Variants in NADK observed in about 807,000 individuals in gnomAD.
NADK encodes the protein poly(P)/ATP NAD kinase.
In NADK, 22 loss-of-function variants were observed where a neutral mutation model predicts 49.8. That is an observed-to-expected ratio of 0.44 (90% CI 0.32 to 0.63). The LOEUF (loss-of-function observed/expected upper bound fraction) is 0.63. NADK is among the 30% of genes least tolerant of loss of function. The pLI is 0.06. For synonymous variants in NADK, 268 were observed against 253.7 expected (o/e 1.06, Z -0.54); for missense variants, 438 against 609.4 (o/e 0.72, Z 2.96).
In NADK at chr1:1,756,518, A is replaced by T; in HGVS notation, c.484T>A (p.Cys162Ser). ...ESFGAVKKKF[C>S]TFREDYDDIS... ...GACAGCCCACCTTCTCGAAAGGTACAGAATTTCTTCTTCACTGCCCCAAAG... is the reference window on the plus strand; with the variant it reads ...GACAGCCCACCTTCTCGAAAGGTACTGAATTTCTTCTTCACTGCCCCAAAG... The change falls in exon 5 of 12, where the codon TGT (cysteine) becomes AGT (serine). Residue 162 changes from cysteine to serine, a missense_variant. Physicochemically the swap from Cys to Ser is moderately radical, Grantham distance 112. Transcript: ENST00000341426. 1.2e-6 allele frequency: 2 copies of T among 1,614,098 alleles called. No individual in the cohort carries two copies. The highest frequency in any genetic ancestry group is 1.7e-6 in the Non-Finnish European group (2 of 1,180,026).
At chr1:1,755,969 G>A (rs1645506225) in intron 6 of NADK, 1 of 546,476 alleles carries the variant, frequency 1.8e-6, no homozygotes, top group East Asian at 3.1e-5. Context: ...GAGGCCCAGA[G>A]GGGATGGGCC....
At chr1:1,757,560 C>G (rs1360073913) in intron 3 of NADK, among the ~76,000 whole-genome samples, 2 of 152,040 alleles carry the variant, frequency 1.3e-5, no homozygotes, top group South Asian at 2.1e-4. Context: ...CCACAACCCC[C>G]ACCCGGGCAC....
At chr1:1,758,600 C>A in intron 3 of NADK, 1 of 1,492,154 alleles carries the variant, frequency 6.7e-7, no homozygotes, top group Non-Finnish European at 8.9e-7. Context: ...CAAAGCAAAA[C>A]ACAATTGTGA....
rs375061907 is a variant in NADK, at chr1:1,765,389, T to A, written c.18A>T (p.Glu6Asp). 4 of 1,600,654 alleles carry A rather than the reference T, an allele frequency of 2.5e-6. No individual in the cohort carries two copies. In the African/African-American group the frequency reaches 5.4e-5, roughly 21 times the overall value. Residue 6 changes from glutamate (E) to aspartate (D), a missense_variant, in exon 2 of 12, where the codon GAA becomes GAT. Transcript: ENST00000341426. MEMEQ[E>D]KMTMNKELSP... ...TCAATTCCTTATTCATGGTCATTTT[T>A]TCTTGTTCCATTTCCATTGTCAGGA...
At position 1,754,307 on chromosome 1, in the gene NADK, A is replaced by T; in HGVS notation, c.920T>A (p.Leu307His). The T allele has an allele frequency of 1.2e-6, 2 of 1,613,796 alleles. No individual in the cohort carries two copies. Among genetic ancestry groups the T allele is most frequent in the Non-Finnish European group, 1.7e-6 (2 of 1,179,944 alleles). Residue 307 changes from leucine (L) to histidine (H), a missense_variant, in exon 9 of 12, where the codon CTC becomes CAC. Transcript: ENST00000341426. This position sits in a 1 kb window ranked among gnomAD's most constrained non-coding sequence, Gnocchi z 4.3. ...ACCGTCGCCCTGCACCGTGGTGATG[A>T]GGTGTCCGTCCAGGTAGACATCCAC... is the stretch of plus-strand genomic sequence containing the variant. Reference protein sequence around the residue: ...SNVDVYLDGHLITTVQGDGVI... With the variant: ...SNVDVYLDGHHITTVQGDGVI...
chr1:1,773,663 T>C (rs1646117183), intron 1 of NADK, among the ~76,000 whole-genome samples: 1 of 150,286 alleles, frequency 6.7e-6, no homozygotes, highest in South Asian at 2.1e-4. Flanking sequence ...CTACATTACC[T>C]AGAAGCTCTA....
chr1:1,771,053 AAAAT>A (rs1173794705), intron 1 of NADK, among the ~76,000 whole-genome samples: 6 of 142,208 alleles, frequency 4.2e-5, no homozygotes, highest in Non-Finnish European at 6.1e-5. Context: ...AAAAAAAAAA[AAAAT>A]ATATATATAT....
upstream of NADK, chr1:1,778,650 A>AGGCGGGCAGCGGGGACAGG (rs1646287944): frequency 1.3e-5 from 2 of 151,626 alleles, no homozygotes. This position sits in a 1 kb window ranked among gnomAD's most constrained non-coding sequence, Gnocchi z 4.9. Context: ...CAGGGAGTGG[A>AGGCGGGCAGCGGGGACAGG]GGCGGGCAGC....
chr1:1,777,575 G>A (rs150240758), intron 1 of NADK, among the ~76,000 whole-genome samples: 295 of 148,734 alleles, frequency 2.0e-3, no homozygotes, highest in African/African-American at 6.6e-3. Context: ...CTTGTTACTC[G>A]GAATCGAAGC....
Position 1,760,325 on chromosome 1 carries a change from G to A in NADK, c.263+1627C>T, listed in dbSNP as rs72634842. ...GTGCGAGTCACTTCCATCCTAAGGG[G>A]CTCCGTCAGCGTCTGGAGCAGCAAG... On this transcript the variant is annotated intron_variant, in intron 3 of 11. Transcript: ENST00000341426. 2.4e-3 allele frequency among the ~76,000 whole-genome samples: 373 copies of A among 152,274 alleles called. 7 individuals carry two copies. Among genetic ancestry groups the A allele is most frequent in the Non-Finnish European group, 1.3e-3 (87 of 68,008 alleles).
intron 1 of NADK, among the ~76,000 whole-genome samples, chr1:1,770,637 CAGG>C (rs1200196312): frequency 2.0e-5 from 3 of 152,048 alleles, no homozygotes; most frequent in Non-Finnish European, 4.4e-5. Flanking sequence ...GAGGCTGAGG[CAGG>C]AGAATGGTGT....
intron 6 of NADK, 29 bp downstream of exon 6, chr1:1,756,229 G>A (rs752509275): frequency 1.3e-6 from 2 of 1,597,622 alleles, no homozygotes; most frequent in South Asian, 2.2e-5. Flanking sequence ...CTAGAACCTG[G>A]TGTGGGTCTG....
At chr1:1,756,687 T>C (rs1645533689) in intron 4 of NADK, 79 bp from the exon 5 acceptor site, 1 of 1,603,262 alleles carries the variant, frequency 6.2e-7, no homozygotes, top group Non-Finnish European at 8.5e-7. Context: ...TCACGGGCGC[T>C]GTGGTCAGAG....
Position 1,761,455 on chromosome 1 carries a change from A to G in NADK, c.263+497T>C, listed in dbSNP as rs74689555. On this transcript the variant is annotated intron_variant, in intron 3 of 11. Transcript: ENST00000341426. ...TTATAATTCTTTACACATAAAACAC[A>G]GATATCAGATCGATCACTGTTGCGT... is the stretch of plus-strand genomic sequence containing the variant. Among the ~76,000 whole-genome samples the G allele has an allele frequency of 5.7e-3, 874 of 152,356 alleles. 3 individuals carry two copies. The highest frequency in any genetic ancestry group is 0.015 in the African/African-American group (617 of 41,592).
chr1:1,761,629 C>G (rs1228551823), intron 3 of NADK: 2 of 281,404 alleles, frequency 7.1e-6, no homozygotes, highest in Admixed American at 4.2e-5. Flanking sequence ...AGCCGCCACA[C>G]CCACGGGCTG....
intron 1 of NADK, among the ~76,000 whole-genome samples, chr1:1,773,161 C>T (rs955558750): frequency 1.7e-4 from 26 of 151,360 alleles, no homozygotes; most frequent in African/African-American, 5.1e-4. Context: ...TTTCCCCAGA[C>T]GAAGTCTCGC....
rs370296753 is a variant in NADK at position 1,765,285 on chromosome 1, C to G, written c.122G>C (p.Arg41Pro). Reference protein sequence around the residue: ...TWSYNHPIRGRAKSRSLSASP... With the variant: ...TWSYNHPIRGPAKSRSLSASP... ...GGCAGACAGGCTGCGAGACTTGGCC[C>G]GGCCCCGGATGGGGTGGTTGTAACT... The change falls in exon 2 of 12, where the codon CGG becomes CCG. Residue 41 changes from arginine (R) to proline (P), a missense_variant. Coordinates refer to ENST00000341426, the MANE Select transcript of NADK (RefSeq NM_023018.5). The G allele has an allele frequency of 2.5e-6, 4 of 1,613,056 alleles. No homozygotes were observed. In the African/African-American group the frequency reaches 4.0e-5, roughly 16 times the overall value.
Position 1,753,076 on chromosome 1 carries a change from A to G in NADK, c.1185-16T>C. On this transcript the variant is annotated splice_polypyrimidine_tract_variant and intron_variant, in intron 11 of 11. Coordinates refer to ENST00000341426, the MANE Select transcript of NADK (RefSeq NM_023018.5). ...GATGCTGATGCTGGGACGGGAGAGC[A>G]GCAGCCTGAGCCAGGGCTTCCAGAA... is the stretch of plus-strand genomic sequence containing the variant. 1 of 1,600,032 alleles carries G rather than the reference A, an allele frequency of 6.2e-7. No individual in the cohort carries two copies. Among genetic ancestry groups the G allele is most frequent in the Non-Finnish European group, 8.5e-7 (1 of 1,171,448 alleles).
intron 1 of NADK, among the ~76,000 whole-genome samples, chr1:1,765,722 G>A (rs975741990): frequency 1.3e-5 from 2 of 151,944 alleles, no homozygotes; most frequent in Non-Finnish European, 2.9e-5. Flanking sequence ...AACCAGCCTC[G>A]CCTGACCAAT....
Sources: allele counts gnomAD v4.1 joint callset (sites outside exome capture counted in the v4.1 genomes callset), GRCh38; gene constraint gnomAD v4.1.1; non-coding constraint Gnocchi (gnomAD v3.1); transcripts MANE v1.5; gene names NCBI Gene and HGNC (gene_info 2026-07-23, HGNC 2026-07-21).